The following LRRC4C variants were observed in gnomAD, a reference collection of about 807,000 sequenced individuals.
LRRC4C encodes leucine-rich repeat-containing protein 4C.
In LRRC4C, 5 loss-of-function variants were observed where a neutral mutation model predicts 33.6. The observed-to-expected ratio is 0.15, with a 90% confidence interval of 0.08 to 0.31. LRRC4C has a LOEUF of 0.31. Ranked by LOEUF, LRRC4C falls within the 10% of genes least tolerant of loss-of-function variation. The pLI, the probability that LRRC4C is intolerant of heterozygous loss-of-function variation, is 1.00. For synonymous variants in LRRC4C, 329 were observed against 302.0 expected (o/e 1.09, Z -0.93); for missense variants, 560 against 796.7 (o/e 0.70, Z 3.58).
At chr11:40,531,432 A>G (rs544309327) in intron 3 of LRRC4C, among the ~76,000 whole-genome samples, 1 of 152,248 alleles carries the variant, frequency 6.6e-6, no homozygotes, top group East Asian at 1.9e-4. Flanking sequence ...TCAGAGTGGT[A>G]GGCAGCATAA....
At chr11:41,018,919 ACC>A (rs1297945996) in intron 1 of LRRC4C, among the ~76,000 whole-genome samples, 1 of 152,096 alleles carries the variant, frequency 6.6e-6, no homozygotes, top group Non-Finnish European at 1.5e-5. Context: ...TGTAAAATTT[ACC>A]CTTTTTAGGA....
intron 4 of LRRC4C, among the ~76,000 whole-genome samples, chr11:40,279,752 G>C (rs1225240368): frequency 6.6e-6 from 1 of 152,148 alleles, no homozygotes; most frequent in African/African-American, 2.4e-5. Context: ...CCATGTCTGT[G>C]CTGTTATGTC....
intron 3 of LRRC4C, among the ~76,000 whole-genome samples, chr11:40,541,566 C>T (rs991678115): frequency 3.3e-5 from 5 of 152,136 alleles, no homozygotes; most frequent in Admixed American, 2.0e-4. Flanking sequence ...GGGAACAGTC[C>T]TTCTCCATCA....
chr11:40,257,712 T>G (rs1188851127), intron 4 of LRRC4C, among the ~76,000 whole-genome samples: 1 of 152,192 alleles, frequency 6.6e-6, no homozygotes, highest in African/African-American at 2.4e-5. Flanking sequence ...AGATAAACTC[T>G]TTTTACTTGG....
chr11:40,699,924 G>T (rs967543712), intron 2 of LRRC4C, among the ~76,000 whole-genome samples: 2 of 152,080 alleles, frequency 1.3e-5, no homozygotes, highest in Non-Finnish European at 2.9e-5. Context: ...ACTTAGTTTA[G>T]AAGTCTTTTT....
intron 1 of LRRC4C, among the ~76,000 whole-genome samples, chr11:41,438,520 T>C (rs1955513846): frequency 6.6e-6 from 1 of 152,130 alleles, no homozygotes; most frequent in Non-Finnish European, 1.5e-5. Context: ...AATTGGGATA[T>C]AAACGATGAG....
intron 3 of LRRC4C, among the ~76,000 whole-genome samples, chr11:40,349,508 T>C (rs775172362): frequency 9.2e-5 from 14 of 152,164 alleles, no homozygotes; most frequent in Non-Finnish European, 1.8e-4. Context: ...ATCTTGGCTA[T>C]TGTGGATAGT....
intron 3 of LRRC4C, among the ~76,000 whole-genome samples, chr11:40,413,496 T>A (rs1033667295): frequency 3.3e-5 from 5 of 151,990 alleles, no homozygotes; most frequent in African/African-American, 1.2e-4. Context: ...CTCAAGGGAG[T>A]CATGATTTCA....
chr11:40,737,602 G>A (rs1471999770), intron 2 of LRRC4C, among the ~76,000 whole-genome samples: 1 of 151,730 alleles, frequency 6.6e-6, no homozygotes, highest in African/African-American at 2.4e-5. Context: ...GCCAAATCAC[G>A]AGTGCCTCTC....
At chr11:40,621,501 C>T (rs193083734) in intron 3 of LRRC4C, among the ~76,000 whole-genome samples, 1 of 151,122 alleles carries the variant, frequency 6.6e-6, no homozygotes, top group Non-Finnish European at 1.5e-5. Context: ...AAACCCTATA[C>T]TGTTATAAAA....
chr11:40,165,668 G>A (rs572592444), intron 5 of LRRC4C, among the ~76,000 whole-genome samples: 30 of 152,128 alleles, frequency 2.0e-4, no homozygotes, highest in African/African-American at 2.7e-4. Flanking sequence ...AGAACATACC[G>A]GGCATGGTGG....
At chr11:41,193,127 C>T (rs539501548) in intron 1 of LRRC4C, among the ~76,000 whole-genome samples, 1 of 152,212 alleles carries the variant, frequency 6.6e-6, no homozygotes, top group South Asian at 2.1e-4. Context: ...AATATAAATA[C>T]TAGCTACCAA....
chr11:41,077,145 G>A (rs1939213084), intron 1 of LRRC4C, among the ~76,000 whole-genome samples: 1 of 152,204 alleles, frequency 6.6e-6, no homozygotes, highest in Admixed American at 6.5e-5. Flanking sequence ...TCATGGGTTG[G>A]TGTTCAATGC....
chr11:40,938,653 C>T (rs1958012550), intron 1 of LRRC4C, among the ~76,000 whole-genome samples: 1 of 152,158 alleles, frequency 6.6e-6, no homozygotes, highest in African/African-American at 2.4e-5. Context: ...GACTTGACCA[C>T]ACTAAGGCAC....
chr11:40,716,053 A>C lies in LRRC4C; in HGVS notation c.-406-67775T>G, dbSNP rs557376899. Among the ~76,000 whole-genome samples, 43 of 151,780 alleles carry C rather than the reference A, an allele frequency of 2.8e-4. No homozygotes were observed. In the South Asian group the frequency reaches 4.6e-3, roughly 16 times the overall value. On this transcript the variant is annotated intron_variant, in intron 2 of 6. Coordinates refer to ENST00000528697, the MANE Select transcript of LRRC4C (RefSeq NM_001258419.2). ...GTGTCTCAAAACAAAAACAAACAAA[A>C]AAAAAACAAAACCCAGGGCCTAGAA... is the stretch of plus-strand genomic sequence containing the variant.
At chr11:41,295,893 A>AGT (rs1950128191) in intron 1 of LRRC4C, among the ~76,000 whole-genome samples, 2 of 152,226 alleles carry the variant, frequency 1.3e-5, no homozygotes, top group African/African-American at 4.8e-5. Flanking sequence ...GCCCTGCTCA[A>AGT]GTGGCTTGCC....
intron 1 of LRRC4C, among the ~76,000 whole-genome samples, chr11:41,260,426 C>T (rs549523619): frequency 5.9e-5 from 9 of 152,082 alleles, no homozygotes; most frequent in Non-Finnish European, 8.8e-5. Context: ...AGATCGTCTC[C>T]GTCCATTCAT....
intron 3 of LRRC4C, among the ~76,000 whole-genome samples, chr11:40,588,811 T>C (rs2135715549): frequency 6.6e-6 from 1 of 152,336 alleles, no homozygotes; most frequent in African/African-American, 2.4e-5. Context: ...TAATTCTGAG[T>C]TCTAGTTTGA....
chr11:40,557,711 A>G (rs1957386755), intron 3 of LRRC4C, among the ~76,000 whole-genome samples: 1 of 151,982 alleles, frequency 6.6e-6, no homozygotes, highest in Non-Finnish European at 1.5e-5. Context: ...TAAAATATAA[A>G]TGTCATATTA....
Sources: allele counts gnomAD v4.1 joint callset (sites outside exome capture counted in the v4.1 genomes callset), GRCh38; gene constraint gnomAD v4.1.1; transcripts MANE v1.5; gene names NCBI Gene and HGNC (gene_info 2026-07-23, HGNC 2026-07-21).